UROS: variants seen among roughly 807,000 people sequenced by gnomAD.
The protein encoded by UROS is uroporphyrinogen-III synthase.
UROS carries 18 observed loss-of-function variants against 33.0 expected under a neutral mutation model. That is an observed-to-expected ratio of 0.55 (90% CI 0.38 to 0.81). The LOEUF is 0.81. UROS is among the 30% of genes least tolerant of loss of function. UROS has a pLI of 0.00. For synonymous variants in UROS, 114 were observed against 121.1 expected, an observed-to-expected ratio of 0.94 and a Z score of 0.38; for missense variants, 293 against 314.9, an observed-to-expected ratio of 0.93 and a Z score of 0.53.
chr10:125,803,110 G>A lies in UROS; in HGVS notation c.394+4303C>T, dbSNP rs1001996666. 5.7e-6 allele frequency: 9 copies of A among 1,591,856 alleles called. No individual in the cohort carries two copies. In the African/African-American group the frequency reaches 6.7e-5, roughly 12 times the overall value. ...GAGCAAGGGAGACAGGAAGAGCTTT[G>A]GAGTCAGCCAGTCCTAGGCTTGAGC... On this transcript the variant is annotated intron_variant, in intron 6 of 9. Transcript: ENST00000368797.
chr10:125,814,945 AG>A, intron 4 of UROS, 88 bp downstream of exon 4: 1 of 1,427,234 alleles, frequency 7.0e-7, no homozygotes, highest in Non-Finnish European at 9.7e-7. Context: ...TTCTCTTAGA[AG>A]TGCAGCTGCT....
rs765922333 is a variant in UROS, at chr10:125,823,222, C to G, written c.-220G>C. On this transcript the variant is annotated 5_prime_UTR_variant, in exon 1 of 10. Transcript: ENST00000368797. ...GACCCCGCACCTCAGACTGGGGTCG[C>G]GTGGGTGGCTGCGCGCAGCTAGGCG... The G allele has an allele frequency of 6.6e-5, 15 of 226,318 alleles. No individual in the cohort carries two copies. The highest frequency in any genetic ancestry group is 1.1e-4 in the Non-Finnish European group (13 of 114,998). 14.0% of individuals were successfully genotyped at this position (226,318 alleles called of 1,614,324 possible). A position where few individuals can be genotyped will look rare whatever the true frequency, so the allele number is the denominator to read the frequency against.
chr10:125,802,140 AAAC>A (rs1851883249), intron 6 of UROS: 2 of 985,488 alleles, frequency 2.0e-6, no homozygotes, highest in Non-Finnish European at 2.4e-6. Flanking sequence ...GACTCTCTAG[AAAC>A]AACATTAGAA....
chr10:125,812,152 T>C, intron 5 of UROS, 62 bp downstream of exon 5: 1 of 1,522,410 alleles, frequency 6.6e-7, no homozygotes, highest in Non-Finnish European at 9.1e-7. Flanking sequence ...AGTTAAACTG[T>C]TTTTTAAAAC....
At chr10:125,801,739 A>G (rs1851853190) in intron 6 of UROS, among the ~76,000 whole-genome samples, 1 of 152,256 alleles carries the variant, frequency 6.6e-6, no homozygotes, top group South Asian at 2.1e-4. Flanking sequence ...ATTCTCCCAG[A>G]TAAGGTCAGA....
At chr10:125,818,928 A>T (rs1452855671) in intron 1 of UROS, among the ~76,000 whole-genome samples, 1 of 152,230 alleles carries the variant, frequency 6.6e-6, no homozygotes, top group Non-Finnish European at 1.5e-5. Context: ...CTTGTCCTTC[A>T]AGTTGCCTGC....
intron 7 of UROS, among the ~76,000 whole-genome samples, chr10:125,797,562 G>A (rs1851466303): frequency 6.6e-6 from 1 of 152,220 alleles, no homozygotes; most frequent in Non-Finnish European, 1.5e-5. Flanking sequence ...TAAGACATCT[G>A]CATCGAGGAC....
In UROS at chr10:125,811,284, T is replaced by C. The variant is rs148069920; in HGVS notation, c.319+930A>G. ...ATAGTTGAGTTTTTGGTAGGAAATATAGAGAATGAAAGAAACTGGCTATTT... is the reference window on the plus strand; with the variant it reads ...ATAGTTGAGTTTTTGGTAGGAAATACAGAGAATGAAAGAAACTGGCTATTT... On this transcript the variant is annotated intron_variant, in intron 5 of 9. Transcript: ENST00000368797. Among the ~76,000 whole-genome samples, 118 of 152,348 alleles carry C rather than the reference T, an allele frequency of 7.7e-4. No homozygotes were observed. The South Asian group carries it at 0.01, about 13-fold the overall frequency.
chr10:125,815,885 G>T (rs956799999), intron 3 of UROS, among the ~76,000 whole-genome samples: 1 of 152,154 alleles, frequency 6.6e-6, no homozygotes, highest in Non-Finnish European at 1.5e-5. Flanking sequence ...TAAATGAGAG[G>T]ATGAGTGAAA....
intron 6 of UROS, among the ~76,000 whole-genome samples, chr10:125,800,194 G>A (rs1185408445): frequency 6.6e-6 from 1 of 152,182 alleles, no homozygotes; most frequent in Non-Finnish European, 1.5e-5. Flanking sequence ...ATAGGGAAGG[G>A]TCCCCGGTGA....
intron 6 of UROS, among the ~76,000 whole-genome samples, chr10:125,798,613 G>C (rs1038498983): frequency 6.6e-6 from 1 of 152,224 alleles, no homozygotes; most frequent in Admixed American, 6.5e-5. Context: ...GCAGCCAGGA[G>C]TGGCTCTGCA....
intron 6 of UROS, chr10:125,802,860 C>A (rs1851959508): frequency 1.3e-6 from 2 of 1,534,270 alleles, no homozygotes; most frequent in Admixed American, 2.0e-5. Context: ...TCCCAGCAGC[C>A]CCTTTCCCTT....
chr10:125,822,423 T>C, intron 1 of UROS, among the ~76,000 whole-genome samples: 1 of 151,794 alleles, frequency 6.6e-6, no homozygotes, highest in South Asian at 2.1e-4. Flanking sequence ...CCTGGGGGCA[T>C]GCGATTCTCC....
In UROS at chr10:125,815,078, A is replaced by G; in HGVS notation, c.200T>C (p.Val67Ala). Residue 67 changes from valine (V) to alanine (A), a missense_variant, in exon 4 of 10, where the codon GTG (valine) becomes GCG (alanine). Physicochemically the swap from Val to Ala is moderately conservative, Grantham distance 64. Transcript: ENST00000368797. Reference sequence around the variant, plus strand: ...CTCCAAACATAACTCTGCTGCTTCCACTGCTCTGGGGCTGGTAAAAATGAG... The same window carrying G: ...CTCCAAACATAACTCTGCTGCTTCCGCTGCTCTGGGGCTGGTAAAAATGAG... ...GGLIFTSPRA[V>A]EAAELCLEQN... is the part of the protein sequence containing the mutation. 6.2e-7 allele frequency: 1 copy of G among 1,614,198 alleles called. No individual in the cohort carries two copies. Among genetic ancestry groups the G allele is most frequent in the Non-Finnish European group, 8.5e-7 (1 of 1,180,026 alleles).
downstream of UROS, among the ~76,000 whole-genome samples, chr10:125,787,153 G>T (rs1850655597): frequency 6.6e-6 from 1 of 152,268 alleles, no homozygotes; most frequent in South Asian, 2.1e-4. Flanking sequence ...GTGTGGGGAT[G>T]AAAGGACACA....
intron 1 of UROS, among the ~76,000 whole-genome samples, chr10:125,822,526 T>C (rs186233397): frequency 1.1e-3 from 168 of 152,282 alleles, no homozygotes; most frequent in Non-Finnish European, 2.2e-3. Flanking sequence ...TTTCGCCATG[T>C]TGGGCAGGCT....
chr10:125,789,741 T>C (rs746373503), intron 9 of UROS, among the ~76,000 whole-genome samples: 23 of 152,194 alleles, frequency 1.5e-4, no homozygotes, highest in Non-Finnish European at 7.4e-5. Flanking sequence ...ACAGGCTCGA[T>C]GGTTCTGTGC....
chr10:125,795,963 T>A (rs1219062880), intron 8 of UROS, 140 bp downstream of exon 8: 8 of 801,086 alleles, frequency 1.0e-5, no homozygotes, highest in African/African-American at 1.7e-5. Flanking sequence ...ACCAACTATG[T>A]GACAGGAAAA....
At chr10:125,807,265 G>A in intron 6 of UROS, 148 bp downstream of exon 6, 1 of 724,466 alleles carries the variant, frequency 1.4e-6, no homozygotes, top group East Asian at 2.7e-5. Context: ...AATACAAATA[G>A]GCTATGCTCC....
Sources: allele counts gnomAD v4.1 joint callset (sites outside exome capture counted in the v4.1 genomes callset), GRCh38; gene constraint gnomAD v4.1.1; transcripts MANE v1.5; gene names NCBI Gene and HGNC (gene_info 2026-07-23, HGNC 2026-07-21).